The following MECOM variants were observed in gnomAD, a reference collection of about 807,000 sequenced individuals.
MECOM encodes histone-lysine N-methyltransferase MECOM.
Under a neutral mutation model 116.3 loss-of-function variants are expected in MECOM, and 13 were observed. That is an observed-to-expected ratio of 0.11 (90% CI 0.07 to 0.18). The LOEUF (loss-of-function observed/expected upper bound fraction) is 0.18, where lower values mean the gene tolerates loss of function less well. MECOM is among the 10% of genes least tolerant of loss of function. The probability of loss-of-function intolerance (pLI) is 1.00; values close to 1 mark genes in which losing one functional copy is unlikely to be tolerated. For missense variants in MECOM, 1,299 were observed against 1,509.0 expected (o/e 0.86, Z 2.31); for synonymous variants, 528 against 535.2 (o/e 0.99, Z 0.19).
intron 1 of MECOM, among the ~76,000 whole-genome samples, chr3:169,417,110 A>C (rs1364536147): frequency 2.6e-5 from 4 of 151,736 alleles, no homozygotes; most frequent in Non-Finnish European, 5.9e-5. Context: ...GACAAATGGG[A>C]TCTAACTAAA....
At chr3:169,449,032 A>G (rs1745116294) in intron 1 of MECOM, among the ~76,000 whole-genome samples, 1 of 152,156 alleles carries the variant, frequency 6.6e-6, no homozygotes, top group Non-Finnish European at 1.5e-5. Context: ...GTCAACAGAG[A>G]GAACATCATA....
chr3:169,086,564 TC>T, intron 16 of MECOM: 1 of 701,578 alleles, frequency 1.4e-6, no homozygotes, highest in Non-Finnish European at 2.6e-6. Context: ...TTTACTTTCC[TC>T]CTATAAAACA....
At chr3:169,221,541 C>T (rs1752130325) in intron 2 of MECOM, among the ~76,000 whole-genome samples, 1 of 146,868 alleles carries the variant, frequency 6.8e-6, no homozygotes, top group Non-Finnish European at 1.5e-5. Context: ...CTCAAGAGCA[C>T]AGCTTTTGGA....
At chr3:169,162,870 CT>C (rs570476387) in intron 2 of MECOM, among the ~76,000 whole-genome samples, 1 of 152,100 alleles carries the variant, frequency 6.6e-6, no homozygotes, top group East Asian at 1.9e-4. Context: ...AAGAGTAATT[CT>C]TTTTTTAATC....
At chr3:169,649,319 G>A (rs920323240) in intron 1 of MECOM, among the ~76,000 whole-genome samples, 2 of 142,970 alleles carry the variant, frequency 1.4e-5, no homozygotes, top group African/African-American at 5.3e-5. Context: ...TGAGGCAAGA[G>A]AATCGCTTGA....
chr3:169,103,600 G>A (rs1243117937), intron 10 of MECOM, among the ~76,000 whole-genome samples: 2 of 152,160 alleles, frequency 1.3e-5, no homozygotes, highest in African/African-American at 4.8e-5. Flanking sequence ...CAAACAACTG[G>A]TCAACCCAAG....
chr3:169,429,283 G>A (rs1179523723), intron 1 of MECOM, among the ~76,000 whole-genome samples: 2 of 152,308 alleles, frequency 1.3e-5, no homozygotes, highest in South Asian at 2.1e-4. Flanking sequence ...GTGTATAGGT[G>A]TTACGTGTGT....
chr3:169,261,570 G>A (rs959071671), intron 2 of MECOM, among the ~76,000 whole-genome samples: 4 of 151,930 alleles, frequency 2.6e-5, no homozygotes, highest in Non-Finnish European at 4.4e-5. Flanking sequence ...GCATGGTGGC[G>A]GGCACCTGTA....
chr3:169,111,787 A>C (rs1319524389), intron 9 of MECOM, among the ~76,000 whole-genome samples: 1 of 152,074 alleles, frequency 6.6e-6, no homozygotes, highest in Non-Finnish European at 1.5e-5. Context: ...ATACTTGAAA[A>C]AATACAAAAG....
At chr3:169,348,462 A>G (rs1725749716) in intron 2 of MECOM, among the ~76,000 whole-genome samples, 1 of 151,946 alleles carries the variant, frequency 6.6e-6, no homozygotes, top group South Asian at 2.1e-4. Flanking sequence ...TGAGGTCCTG[A>G]CTCATAGCCT....
intron 1 of MECOM, among the ~76,000 whole-genome samples, chr3:169,608,383 A>C (rs545308729): frequency 1.3e-5 from 2 of 152,324 alleles, no homozygotes; most frequent in South Asian, 2.1e-4. Context: ...GCAGCTGATC[A>C]GAGTGGCCTT....
chr3:169,390,392 G>T (rs1046546331), intron 1 of MECOM, among the ~76,000 whole-genome samples: 4 of 152,168 alleles, frequency 2.6e-5, no homozygotes, highest in Admixed American at 2.0e-4. Context: ...CCCAGTAGAG[G>T]CTTATAAAAC....
At chr3:169,227,491 C>G (rs1752875364) in intron 2 of MECOM, among the ~76,000 whole-genome samples, 1 of 152,032 alleles carries the variant, frequency 6.6e-6, no homozygotes, top group Non-Finnish European at 1.5e-5. Context: ...ATTTTCTTTT[C>G]TCTGTATCAG....
intron 2 of MECOM, among the ~76,000 whole-genome samples, chr3:169,267,856 A>T (rs572499558): frequency 3.3e-5 from 5 of 152,114 alleles, no homozygotes; most frequent in Non-Finnish European, 5.9e-5. Flanking sequence ...TGATCCAGAG[A>T]TGCAGGAAAA....
intron 1 of MECOM, among the ~76,000 whole-genome samples, chr3:169,633,515 AG>A (rs1772338282): frequency 6.6e-6 from 1 of 152,164 alleles, no homozygotes; most frequent in Non-Finnish European, 1.5e-5. Context: ...AAAGAACAAA[AG>A]GTTCTTGGAG....
At chr3:169,650,060 CA>C (rs1774694554) in intron 1 of MECOM, among the ~76,000 whole-genome samples, 1 of 152,198 alleles carries the variant, frequency 6.6e-6, no homozygotes, top group Non-Finnish European at 1.5e-5. Flanking sequence ...AACCACTTTT[CA>C]GAAGTCTCTC....
intron 2 of MECOM, among the ~76,000 whole-genome samples, chr3:169,371,986 A>G (rs1730216936): frequency 6.6e-6 from 1 of 152,078 alleles, no homozygotes; most frequent in African/African-American, 2.4e-5. Context: ...CTTCATTGTA[A>G]TATCACATTT....
At chr3:169,474,477 G>A (rs1337648959) in intron 1 of MECOM, among the ~76,000 whole-genome samples, 1 of 152,068 alleles carries the variant, frequency 6.6e-6, no homozygotes, top group Non-Finnish European at 1.5e-5. Context: ...TTGGGTTGAT[G>A]GGACAGTTTT....
At chr3:169,282,862 A>C (rs1002705401) in intron 2 of MECOM, among the ~76,000 whole-genome samples, 7 of 151,218 alleles carry the variant, frequency 4.6e-5, no homozygotes, top group African/African-American at 1.7e-4. Context: ...TAAAAATATG[A>C]GTGTATAACA....
Sources: gnomAD v4.1 joint callset for allele counts (sites outside exome capture counted in the v4.1 genomes callset) on GRCh38, gnomAD v4.1.1 for gene constraint, MANE v1.5 for transcripts, NCBI Gene and HGNC (gene_info 2026-07-23, HGNC 2026-07-21) for gene names.